TOP3B: variants seen among roughly 807,000 people sequenced by gnomAD.
TOP3B encodes DNA topoisomerase 3-beta-1.
In TOP3B, 45 loss-of-function variants were observed where a neutral mutation model predicts 93.9. The observed-to-expected ratio is 0.48, with a 90% CI of 0.38 to 0.61. The LOEUF (loss-of-function observed/expected upper bound fraction) is 0.61. Ranked by LOEUF, TOP3B falls within the 20% of genes least tolerant of loss-of-function variation. The probability of loss-of-function intolerance (pLI) is 0.00; values close to 1 mark genes in which losing one functional copy is unlikely to be tolerated. For synonymous variants in TOP3B, 357 were observed against 472.6 expected, an observed-to-expected ratio of 0.76 and a Z score of 3.17; for missense variants, 750 against 1,156.1, an observed-to-expected ratio of 0.65 and a Z score of 5.09.
At chr22:21,959,852 G>A in intron 14 of TOP3B, 116 bp from the exon 15 acceptor site, 1 of 1,420,172 alleles carries the variant, frequency 7.0e-7, no homozygotes, top group Non-Finnish European at 9.4e-7. Context: ...CCGTCCTCCT[G>A]GCCTCTGCCC....
chr22:21,970,815 G>A lies in TOP3B; in HGVS notation c.385-409C>T. 2 of 315,550 alleles carry A rather than the reference G, an allele frequency of 6.3e-6. No individual in the cohort carries two copies. Among genetic ancestry groups the A allele is most frequent in the South Asian group, 6.6e-5 (2 of 30,450 alleles). 19.5% of individuals were successfully genotyped at this position (315,550 alleles called of 1,614,324 possible). On this transcript the variant is annotated intron_variant, in intron 5 of 17. Transcript: ENST00000357179. The surrounding 1 kb of genome is among the most constrained non-coding windows in gnomAD (Gnocchi z 4.4). ...CCCTGCCTTCTAGGAGGGAGGGTTT[G>A]GAGGGGTGGGTGGAAATTTTAAGAG...
At chr22:21,978,502 A>C (rs2071974774) in intron 1 of TOP3B, among the ~76,000 whole-genome samples, 1 of 152,180 alleles carries the variant, frequency 6.6e-6, no homozygotes, top group Non-Finnish European at 1.5e-5. Context: ...AGGTGTGTTA[A>C]ACGGGACCTG....
At chr22:21,978,890 T>C (rs890292282) in intron 1 of TOP3B, among the ~76,000 whole-genome samples, 1 of 152,092 alleles carries the variant, frequency 6.6e-6, no homozygotes, top group Non-Finnish European at 1.5e-5. Context: ...ATGGGACTGC[T>C]CTGGCGAGAA....
chr22:21,974,036 G>A (rs2071755807), intron 3 of TOP3B: 4 of 186,794 alleles, frequency 2.1e-5, no homozygotes, highest in Middle Eastern at 1.9e-3. Context: ...CTTGGCAACA[G>A]CAGCAGCCTT....
chr22:21,981,719 C>T (rs542639832), intron 1 of TOP3B, among the ~76,000 whole-genome samples: 2 of 152,196 alleles, frequency 1.3e-5, no homozygotes, highest in African/African-American at 4.8e-5. Context: ...ATCACTTGAA[C>T]CCGGGGGCGG....
At chr22:21,961,659 A>G (rs534372126) in intron 13 of TOP3B, 11 of 152,608 alleles carry the variant, frequency 7.2e-5, no homozygotes, top group African/African-American at 1.4e-4. Flanking sequence ...GGGAAGAGAC[A>G]CTCCCTGAGA....
At chr22:21,981,468 C>G (rs2084629810) in intron 1 of TOP3B, among the ~76,000 whole-genome samples, 1 of 152,216 alleles carries the variant, frequency 6.6e-6, no homozygotes, top group South Asian at 2.1e-4. Context: ...TCTTGTCTTA[C>G]AGCTCCTAGA....
chr22:21,979,408 A>G (rs2084568142), intron 1 of TOP3B, among the ~76,000 whole-genome samples: 1 of 152,038 alleles, frequency 6.6e-6, no homozygotes, highest in Non-Finnish European at 1.5e-5. Context: ...TGAGACAGGT[A>G]GAGAGTGAAG....
intron 12 of TOP3B, 26 bp downstream of exon 12, chr22:21,962,721 G>A: frequency 6.2e-7 from 1 of 1,613,814 alleles, no homozygotes; most frequent in South Asian, 1.1e-5. Flanking sequence ...AGGCACAGAG[G>A]AGGAAGGCTG....
intron 8 of TOP3B, chr22:21,966,396 G>T (rs1041559529): frequency 6.6e-6 from 1 of 152,226 alleles, no homozygotes; most frequent in African/African-American, 2.4e-5. Context: ...AAGCTACAGG[G>T]ATGGCAAGTG....
chr22:21,970,323 C>G lies in TOP3B; in HGVS notation c.468G>C (p.Thr156=). ...CCATGGCATTACAGATGTCTGTGTC[C>G]GTGATGGAGCTAAACCTGGCCCGGA... ...TVFRARFSSI[T]DTDICNAMAC... Residue 156 remains threonine (T), a synonymous_variant, in exon 6 of 18, where the codon ACG becomes ACC. Transcript: ENST00000357179. The surrounding 1 kb of genome is among the most constrained non-coding windows in gnomAD (Gnocchi z 4.4). The G allele has an allele frequency of 6.2e-7, 1 of 1,614,074 alleles. No homozygotes were observed. Among genetic ancestry groups the G allele is most frequent in the South Asian group, 1.1e-5 (1 of 91,064 alleles).
Position 21,958,685 on chromosome 22 carries a change from T to C in TOP3B, c.1914A>G (p.Pro638=), listed in dbSNP as rs892072019. The change falls in exon 17 of 18, where the codon CCA becomes CCG. Residue 638 remains proline, a synonymous_variant. Coordinates refer to ENST00000357179, the MANE Select transcript of TOP3B (RefSeq NM_001282112.2). ...CGCAGTGGGAGCAGTGCAGGCGGCT[T>C]GGCTTGGCCTGCGGCAATGCCAGGC... ...HRFMKYIQAK[P]SRLHCSHCDE... is the part of the protein sequence containing the mutation. 1 of 1,597,128 alleles carries C rather than the reference T, an allele frequency of 6.3e-7. No individual in the cohort carries two copies. The highest frequency in any genetic ancestry group is 1.3e-5 in the African/African-American group (1 of 74,634).
rs966493765 is a variant in TOP3B, at chr22:21,982,778, T to C, written c.-147A>G. ...CTCCGGTCCTTGTTCCCGGGGCGGC[T>C]ACCGACAACCCCTATTTCCGGGTCC... is the stretch of plus-strand genomic sequence containing the variant. On this transcript the variant is annotated 5_prime_UTR_variant, in exon 1 of 18. Transcript: ENST00000357179. The C allele has an allele frequency of 9.9e-5, 15 of 152,196 alleles. No individual in the cohort carries two copies. Among genetic ancestry groups the C allele is most frequent in the Admixed American group, 7.9e-4 (12 of 15,276 alleles). 9.4% of individuals were successfully genotyped at this position (152,196 alleles called of 1,614,324 possible).
At position 21,959,136 on chromosome 22, in the gene TOP3B, A is replaced by C; in HGVS notation, c.1901T>G (p.Ile634Ser). 1 of 1,613,770 alleles carries C rather than the reference A, an allele frequency of 6.2e-7. No homozygotes were observed. Among genetic ancestry groups the C allele is most frequent in the East Asian group, 2.2e-5 (1 of 44,880 alleles). Residue 634 changes from isoleucine to serine, a missense_variant, in exon 16 of 18, where the codon ATC (isoleucine) becomes AGC (serine). Ile to Ser is a moderately radical substitution (Grantham distance 142). Coordinates refer to ENST00000357179, the MANE Select transcript of TOP3B (RefSeq NM_001282112.2). ...GCTAGTGTTCCCTGCACCTACCTGG[A>C]TGTACTTCATGAAGCGGTGGCACTT... ...CGKCHRFMKY[I>S]QAKPSRLHCS...
chr22:21,959,958 C>T (rs984471677), intron 14 of TOP3B: 2 of 668,230 alleles, frequency 3.0e-6, no homozygotes, highest in Admixed American at 3.0e-5. Flanking sequence ...GCAGAGTGGC[C>T]AGGGATGTCC....
At chr22:21,981,750 C>T (rs1478317645) in intron 1 of TOP3B, among the ~76,000 whole-genome samples, 4 of 151,986 alleles carry the variant, frequency 2.6e-5, no homozygotes, top group Non-Finnish European at 4.4e-5. Flanking sequence ...GAGCTGAGAT[C>T]GCGCCACTGC....
At position 21,963,423 on chromosome 22, in the gene TOP3B, C is replaced by A. The variant is rs551528452; in HGVS notation, c.1204+500G>T. On this transcript the variant is annotated intron_variant, in intron 11 of 17. Transcript: ENST00000357179. This position sits in a 1 kb window ranked among gnomAD's most constrained non-coding sequence, Gnocchi z 4.8. ...GTTTCTTTCTGGCTGCGGCTCCCAC[C>A]ATCCTGCACAACCTCCTGTCCCTGC... 2.3e-5 allele frequency: 4 copies of A among 171,734 alleles called. No individual in the cohort carries two copies. Among genetic ancestry groups the A allele is most frequent in the African/African-American group, 9.6e-5 (4 of 41,814 alleles). 10.6% of individuals were successfully genotyped at this position (171,734 alleles called of 1,614,324 possible).
rs888633711 is a variant in TOP3B at position 21,970,135 on chromosome 22, G to A, written c.581+75C>T. ...TCGAGGAGGCCTAGGGGCCCCGGAG[G>A]GGGACCAGTAGAGGCAGGTCTCTGG... On this transcript the variant is annotated intron_variant, in intron 6 of 17. Coordinates refer to ENST00000357179, the MANE Select transcript of TOP3B (RefSeq NM_001282112.2). This position sits in a 1 kb window ranked among gnomAD's most constrained non-coding sequence, Gnocchi z 4.4. 12 of 1,553,760 alleles carry A rather than the reference G, an allele frequency of 7.7e-6. No individual in the cohort carries two copies. Among genetic ancestry groups the A allele is most frequent in the Admixed American group, 3.5e-5 (2 of 57,910 alleles).
chr22:21,962,099 G>A, intron 13 of TOP3B: 2 of 1,265,880 alleles, frequency 1.6e-6, no homozygotes, highest in South Asian at 3.1e-5. Context: ...TGGACTCAGG[G>A]GACTGCCAAT....
Sources: gnomAD v4.1 joint callset for allele counts (sites outside exome capture counted in the v4.1 genomes callset) on GRCh38, gnomAD v4.1.1 for gene constraint, Gnocchi (gnomAD v3.1) non-coding constraint, MANE v1.5 for transcripts, NCBI Gene and HGNC (gene_info 2026-07-23, HGNC 2026-07-21) for gene names.